C8orf34: variants seen among roughly 807,000 people sequenced by gnomAD.
C8orf34 encodes the protein uncharacterized protein C8orf34.
C8orf34 carries 65 observed loss-of-function variants against 68.3 expected under a neutral mutation model. The ratio of observed to expected loss-of-function variants is 0.95; its 90% CI spans 0.78 to 1.17. C8orf34 has a LOEUF of 1.17. Ranked by LOEUF, C8orf34 falls within the 50% of genes most tolerant of loss-of-function variation. The pLI is 0.00. For synonymous variants in C8orf34, 244 were observed against 241.2 expected, an observed-to-expected ratio of 1.01 and a Z score of -0.11; for missense variants, 664 against 655.4, an observed-to-expected ratio of 1.01 and a Z score of -0.14.
intron 7 of C8orf34, among the ~76,000 whole-genome samples, chr8:68,573,721 G>A (rs1816821756): frequency 6.6e-6 from 1 of 152,108 alleles, no homozygotes; most frequent in Admixed American, 6.6e-5. Flanking sequence ...CTTCCACATA[G>A]AATACAACAA....
chr8:68,631,141 A>C (rs536211804), intron 7 of C8orf34, among the ~76,000 whole-genome samples: 2 of 151,828 alleles, frequency 1.3e-5, no homozygotes, highest in African/African-American at 4.8e-5. Context: ...GGTGGCATGC[A>C]CCTGCAGCTA....
At chr8:68,589,921 G>A in intron 7 of C8orf34, among the ~76,000 whole-genome samples, 1 of 133,788 alleles carries the variant, frequency 7.5e-6, no homozygotes, top group Non-Finnish European at 1.6e-5. Flanking sequence ...AAAAGATGGG[G>A]GAGGGAGGGA....
chr8:68,794,518 T>C (rs1334830981), intron 12 of C8orf34, among the ~76,000 whole-genome samples: 1 of 128,186 alleles, frequency 7.8e-6, no homozygotes, highest in East Asian at 2.0e-4. Context: ...TTTTTTTTTT[T>C]TTTTTAGACA....
intron 8 of C8orf34, among the ~76,000 whole-genome samples, chr8:68,679,491 A>G (rs1820298754): frequency 6.6e-6 from 1 of 152,138 alleles, no homozygotes; most frequent in African/African-American, 2.4e-5. Context: ...CAAAATGTCC[A>G]TTCTACCCAA....
chr8:68,697,971 T>G lies in C8orf34; in HGVS notation c.1242-11023T>G, dbSNP rs188329471. On this transcript the variant is annotated intron_variant, in intron 8 of 13. Coordinates refer to ENST00000518698, the MANE Select transcript of C8orf34 (RefSeq NM_052958.4). Reference sequence around the variant, plus strand: ...TTTAGAACTCTACGGGAATCTCAGATTTTTCCTGTCTTCTGTTCCCCATCC... The same window carrying G: ...TTTAGAACTCTACGGGAATCTCAGAGTTTTCCTGTCTTCTGTTCCCCATCC... 1.6e-3 allele frequency among the ~76,000 whole-genome samples: 237 copies of G among 152,152 alleles called. 2 individuals are homozygous for G. Among genetic ancestry groups the G allele is most frequent in the Non-Finnish European group, 2.9e-3 (196 of 67,984 alleles).
intron 5 of C8orf34, among the ~76,000 whole-genome samples, chr8:68,500,877 C>T (rs1042723133): frequency 1.3e-5 from 2 of 152,156 alleles, no homozygotes; most frequent in African/African-American, 4.8e-5. Flanking sequence ...ACTTCTCGAT[C>T]TGAGCTGTCT....
At chr8:68,486,884 A>G (rs1813100700) in intron 4 of C8orf34, among the ~76,000 whole-genome samples, 1 of 152,076 alleles carries the variant, frequency 6.6e-6, no homozygotes, top group Non-Finnish European at 1.5e-5. Flanking sequence ...CAAACTTTAG[A>G]CCTTTCCTTA....
chr8:68,668,097 C>A (rs1388930301), intron 8 of C8orf34, among the ~76,000 whole-genome samples: 1 of 151,786 alleles, frequency 6.6e-6, no homozygotes. Context: ...CAAGAAAAAT[C>A]CTTTTGAAAG....
intron 1 of C8orf34, among the ~76,000 whole-genome samples, chr8:68,410,161 A>G (rs1263342969): frequency 6.6e-6 from 1 of 152,172 alleles, no homozygotes; most frequent in African/African-American, 2.4e-5. Context: ...TAGCTTGTTT[A>G]GGTTTCTCTC....
intron 7 of C8orf34, among the ~76,000 whole-genome samples, chr8:68,633,127 G>A (rs1455851816): frequency 6.6e-6 from 1 of 152,178 alleles, no homozygotes; most frequent in Non-Finnish European, 1.5e-5. Context: ...TGCTGCTAGA[G>A]GAAAATGAGT....
At chr8:68,518,313 T>G (rs374057331) in intron 5 of C8orf34, among the ~76,000 whole-genome samples, 2 of 152,208 alleles carry the variant, frequency 1.3e-5, no homozygotes, top group African/African-American at 2.4e-5. Flanking sequence ...TATATTTAAT[T>G]ACAAAACACA....
In C8orf34 at chr8:68,449,078, C is replaced by T. The variant is rs146598600; in HGVS notation, c.607+2618C>T. On this transcript the variant is annotated intron_variant, in intron 3 of 13. Transcript: ENST00000518698. The stretch of plus-strand genomic sequence containing the variant: ...TGAAAAAATTTAGTAAGAATATAGA[C>T]AATTTGAACAAGACTATCAACTGCA... Among the ~76,000 whole-genome samples, 327 of 152,006 alleles carry T rather than the reference C, an allele frequency of 2.2e-3. 1 individual carries two copies. Among genetic ancestry groups the T allele is most frequent in the African/African-American group, 7.1e-3 (294 of 41,504 alleles).
chr8:68,711,078 C>T (rs914698457), intron 9 of C8orf34, among the ~76,000 whole-genome samples: 1 of 152,154 alleles, frequency 6.6e-6, no homozygotes, highest in Admixed American at 6.5e-5. Flanking sequence ...ACACTCACTA[C>T]AGTTCAGCTC....
At chr8:68,603,854 T>C (rs1234931140) in intron 7 of C8orf34, among the ~76,000 whole-genome samples, 1 of 152,134 alleles carries the variant, frequency 6.6e-6, no homozygotes, top group African/African-American at 2.4e-5. Flanking sequence ...GATCTGTGCA[T>C]TTCACTGTGT....
chr8:68,733,794 C>G (rs981924558), intron 10 of C8orf34, among the ~76,000 whole-genome samples: 1 of 152,060 alleles, frequency 6.6e-6, no homozygotes, highest in African/African-American at 2.4e-5. Flanking sequence ...ATCTTAACTT[C>G]CAGTTATTTT....
At chr8:68,808,847 A>G (rs1037668489) in intron 12 of C8orf34, among the ~76,000 whole-genome samples, 1 of 152,090 alleles carries the variant, frequency 6.6e-6, no homozygotes, top group Non-Finnish European at 1.5e-5. Flanking sequence ...GCTTATTATT[A>G]GGTTTCTATT....
At chr8:68,375,167 G>A (rs1807738608) in intron 1 of C8orf34, among the ~76,000 whole-genome samples, 1 of 152,078 alleles carries the variant, frequency 6.6e-6, no homozygotes, top group Non-Finnish European at 1.5e-5. Context: ...TAATTTATGT[G>A]CAATAAAGTG....
At chr8:68,367,977 T>C (rs1350942398) in intron 1 of C8orf34, among the ~76,000 whole-genome samples, 2 of 141,618 alleles carry the variant, frequency 1.4e-5, no homozygotes, top group Non-Finnish European at 3.1e-5. Context: ...GATAAACTGG[T>C]AATTTCTACT....
In C8orf34 at chr8:68,818,243, G is replaced by A; in HGVS notation, c.1614G>A (p.Leu538=). The change falls in exon 14 of 14, where the codon TTG becomes TTA. Residue 538 remains leucine (L), a synonymous_variant. Coordinates refer to ENST00000518698, the MANE Select transcript of C8orf34 (RefSeq NM_052958.4). ...TGTTTCATTTCTCCTCTGCAGGTTT[G>A]TGAAACAGAGAGAAGAAGTTGCAAG... The part of the protein sequence containing the change: ...SSCPTLVYSG[L] 1 of 1,612,494 alleles carries A rather than the reference G, an allele frequency of 6.2e-7. No individual in the cohort carries two copies. The highest frequency in any genetic ancestry group is 1.3e-5 in the African/African-American group (1 of 74,998).
Sources: allele counts gnomAD v4.1 joint callset (sites outside exome capture counted in the v4.1 genomes callset), GRCh38; gene constraint gnomAD v4.1.1; transcripts MANE v1.5; gene names NCBI Gene and HGNC (gene_info 2026-07-23, HGNC 2026-07-21).